The following CCDC25 variants were observed in gnomAD, a reference collection of about 807,000 sequenced individuals.
CCDC25 encodes coiled-coil domain containing 25, also known as coiled-coil domain-containing protein 25.
Under a neutral mutation model 35.3 loss-of-function variants are expected in CCDC25, and 16 were observed. The observed-to-expected ratio is 0.45, with a 90% CI of 0.31 to 0.69. CCDC25 has a LOEUF of 0.69. Among genes scored for constraint, CCDC25 ranks in the 30% least tolerant of loss-of-function variants. The pLI is 0.06. For missense variants in CCDC25, 179 were observed against 250.7 expected, an observed-to-expected ratio of 0.71 and a Z score of 1.93; for synonymous variants, 79 against 80.3, an observed-to-expected ratio of 0.98 and a Z score of 0.09.
intron 5 of CCDC25, 28 bp from the exon 6 acceptor site, chr8:27,748,626 C>A: frequency 6.6e-7 from 1 of 1,525,242 alleles, no homozygotes; most frequent in Non-Finnish European, 9.1e-7. Context: ...CTTCAACATG[C>A]AGGCAGGATG....
Position 27,756,899 on chromosome 8 carries a change from G to A in CCDC25, c.117-129C>T, listed in dbSNP as rs2128942826. On this transcript the variant is annotated intron_variant, in intron 3 of 8. Transcript: ENST00000356537. ...CCTGCCACATGTGAAGCATCATGAG[G>A]AGTATAAAGCACAGTCACCACCTCC... 19 of 690,618 alleles carry A rather than the reference G, an allele frequency of 2.8e-5. No homozygotes were observed. The South Asian group carries it at 2.9e-4, about 10-fold the overall frequency. The allele number at this position is 690,618 out of a possible 1,614,324, so 42.8% of individuals were successfully genotyped here. A position where few individuals can be genotyped will look rare whatever the true frequency, so the allele number is the denominator to read the frequency against.
chr8:27,748,776 G>A (rs112765590), intron 5 of CCDC25, among the ~76,000 whole-genome samples, 178 bp from the exon 6 acceptor site: 32 of 152,220 alleles, frequency 2.1e-4, no homozygotes, highest in Non-Finnish European at 1.2e-4. Flanking sequence ...AAATGGTAAA[G>A]CTGACAAAAT....
chr8:27,765,136 A>G (rs909281028), intron 2 of CCDC25, 68 bp downstream of exon 2: 21 of 1,397,742 alleles, frequency 1.5e-5, no homozygotes, highest in Non-Finnish European at 1.8e-5. Context: ...GGGGGCATGG[A>G]AGGTGGTGAG....
At chr8:27,750,537 C>T (rs1803762918) in intron 5 of CCDC25, among the ~76,000 whole-genome samples, 1 of 152,256 alleles carries the variant, frequency 6.6e-6, no homozygotes, top group Non-Finnish European at 1.5e-5. Flanking sequence ...ACTCTGATGA[C>T]TGACAAAGAC....
chr8:27,758,061 C>G (rs1804080201), intron 3 of CCDC25, among the ~76,000 whole-genome samples: 1 of 152,122 alleles, frequency 6.6e-6, no homozygotes, highest in Non-Finnish European at 1.5e-5. Context: ...AAACCATGAG[C>G]CAATTAAACC....
chr8:27,766,818 C>A (rs1804415962), intron 1 of CCDC25, among the ~76,000 whole-genome samples: 2 of 151,962 alleles, frequency 1.3e-5, no homozygotes, highest in Admixed American at 6.6e-5. Flanking sequence ...ATACCATGTA[C>A]CCATTAAAAA....
chr8:27,756,614 G>C, intron 4 of CCDC25, 105 bp downstream of exon 4: 1 of 750,042 alleles, frequency 1.3e-6, no homozygotes, highest in South Asian at 1.6e-5. Flanking sequence ...TTTTAGATTT[G>C]CGTACCAACT....
chr8:27,746,554 C>T (rs1219333544), intron 7 of CCDC25, among the ~76,000 whole-genome samples: 7 of 152,022 alleles, frequency 4.6e-5, no homozygotes, highest in Non-Finnish European at 8.8e-5. Context: ...TTTCAGTTTC[C>T]CCCCACTCCA....
intron 7 of CCDC25, 88 bp from the exon 8 acceptor site, chr8:27,740,605 T>C: frequency 8.9e-7 from 1 of 1,119,166 alleles, no homozygotes. Flanking sequence ...TATCCAGCAC[T>C]GCTCAGGGGC....
At chr8:27,742,818 G>A (rs1019089535) in intron 7 of CCDC25, among the ~76,000 whole-genome samples, 2 of 152,206 alleles carry the variant, frequency 1.3e-5, no homozygotes, top group African/African-American at 4.8e-5. Context: ...AGTGAGCCGA[G>A]ATCGTGCCAC....
At position 27,735,252 on chromosome 8, in the gene CCDC25, C is replaced by G. The variant is rs571591015; in HGVS notation, c.*964G>C. Reference sequence around the variant, plus strand: ...AACATGGAATAAATGGAAACACTAGCCTTTTGGTTTTGCCCACAGTTCCAA... The same window carrying G: ...AACATGGAATAAATGGAAACACTAGGCTTTTGGTTTTGCCCACAGTTCCAA... On this transcript the variant is annotated 3_prime_UTR_variant, in exon 9 of 9. Coordinates refer to ENST00000356537, the MANE Select transcript of CCDC25 (RefSeq NM_018246.3). The G allele has an allele frequency of 6.6e-6, 1 of 152,666 alleles. No individual in the cohort carries two copies. The highest frequency in any genetic ancestry group is 1.5e-5 in the Non-Finnish European group (1 of 68,022). The allele number at this position is 152,666 out of a possible 1,614,324, so 9.5% of individuals were successfully genotyped here.
At chr8:27,758,476 C>A (rs1804096201) in intron 3 of CCDC25, among the ~76,000 whole-genome samples, 1 of 152,220 alleles carries the variant, frequency 6.6e-6, no homozygotes, top group East Asian at 1.9e-4. Flanking sequence ...ATTTGACTTA[C>A]ATTTCTCCAA....
rs1563453671 is a variant in CCDC25, at chr8:27,756,734, G to GTAT, written c.150_152dup (p.Val50_Tyr51insTer). 1 of 1,611,918 alleles carries GTAT rather than the reference G, an allele frequency of 6.2e-7. No homozygotes were observed. The highest frequency in any genetic ancestry group is 8.5e-7 in the Non-Finnish European group (1 of 1,178,068). On this transcript the variant is annotated stop_gained, in exon 4 of 9. Coordinates refer to ENST00000356537, the MANE Select transcript of CCDC25 (RefSeq NM_018246.3). LOFTEE classifies it high-confidence loss of function. ...ATTCAGTTACCTTATGTAATCGAAGGTATACATGAGCCGAAGAGAGTTTGT... is the reference window on the plus strand; with the variant it reads ...ATTCAGTTACCTTATGTAATCGAAGGTATTATACATGAGCCGAAGAGAGTTTGT...
In CCDC25 at chr8:27,748,086, T is replaced by C. The variant is rs773185109; in HGVS notation, c.542A>G (p.Asp181Gly). 6.2e-7 allele frequency: 1 copy of C among 1,611,752 alleles called. No homozygotes were observed. The highest frequency in any genetic ancestry group is 2.2e-5 in the East Asian group (1 of 44,880). ...CACAGCTCCGACATACCTAAGTTCATCCATTTCCCTCTTCTTCTTCATTTC... is the reference window on the plus strand; with the variant it reads ...CACAGCTCCGACATACCTAAGTTCACCCATTTCCCTCTTCTTCTTCATTTC... ...KEEMKKKREM[D>G]ELRSYSSLMK... Residue 181 changes from aspartate (D) to glycine (G), a missense_variant, in exon 7 of 9, where the codon GAT becomes GGT. By Grantham distance (94) the Asp-to-Gly change is moderately conservative. Transcript: ENST00000356537.
Position 27,748,291 on chromosome 8 carries a change from A to G in CCDC25, c.349-12T>C, listed in dbSNP as rs747240444. On this transcript the variant is annotated splice_polypyrimidine_tract_variant and intron_variant, in intron 6 of 8. Coordinates refer to ENST00000356537, the MANE Select transcript of CCDC25 (RefSeq NM_018246.3). ...GTCACAATTTTTACCTTTAAGGGAG[A>G]TAGGAGAAAAGATATTGCATCTTTT... The G allele has an allele frequency of 6.2e-7, 1 of 1,606,702 alleles. No individual in the cohort carries two copies. The highest frequency in any genetic ancestry group is 2.2e-5 in the East Asian group (1 of 44,828).
At chr8:27,742,903 A>G (rs564249053) in intron 7 of CCDC25, among the ~76,000 whole-genome samples, 2 of 152,040 alleles carry the variant, frequency 1.3e-5, no homozygotes, top group East Asian at 3.9e-4. Flanking sequence ...ACAAAAACAA[A>G]TTTACCTTTC....
At chr8:27,745,599 A>T (rs1391702413) in intron 7 of CCDC25, among the ~76,000 whole-genome samples, 1 of 152,246 alleles carries the variant, frequency 6.6e-6, no homozygotes, top group Non-Finnish European at 1.5e-5. Context: ...AGCACTGCAA[A>T]ATGTATAAAA....
chr8:27,752,479 G>A (rs1054321153), intron 5 of CCDC25, 33 bp downstream of exon 5: 1 of 1,534,470 alleles, frequency 6.5e-7, no homozygotes, highest in East Asian at 2.3e-5. Flanking sequence ...GAAAGTCCGT[G>A]CTAATTCTAA....
chr8:27,756,617 T>A lies in CCDC25; in HGVS notation c.168+102A>T. On this transcript the variant is annotated intron_variant, in intron 4 of 8. Coordinates refer to ENST00000356537, the MANE Select transcript of CCDC25 (RefSeq NM_018246.3). ...TCATTTGTTAACTTTTAGATTTGCG[T>A]ACCAACTTATTACTGTAAGCAATTT... 3.9e-6 allele frequency: 3 copies of A among 777,722 alleles called. No homozygotes were observed. The East Asian group carries it at 7.7e-5, about 20-fold the overall frequency. 48.2% of individuals were successfully genotyped at this position (777,722 alleles called of 1,614,324 possible).
Sources: gnomAD v4.1 joint callset for allele counts (sites outside exome capture counted in the v4.1 genomes callset) on GRCh38, gnomAD v4.1.1 for gene constraint, MANE v1.5 for transcripts, NCBI Gene and HGNC (gene_info 2026-07-23, HGNC 2026-07-21) for gene names.